Variants in HMG20B observed in about 807,000 individuals in gnomAD.
HMG20B encodes high mobility group 20B.
In HMG20B, 24 loss-of-function variants were observed where a neutral mutation model predicts 41.6. The observed-to-expected ratio is 0.58, with a 90% CI of 0.42 to 0.81. The LOEUF is 0.81. Ranked by LOEUF, HMG20B falls within the 30% of genes least tolerant of loss-of-function variation. HMG20B has a pLI of 0.00. For synonymous variants in HMG20B, 251 were observed against 186.6 expected (o/e 1.34, Z -2.81); for missense variants, 461 against 444.0 (o/e 1.04, Z -0.34).
chr19:3,574,651 C>G, intron 4 of HMG20B, 65 bp downstream of exon 4: 1 of 1,397,562 alleles, frequency 7.2e-7, no homozygotes, highest in Non-Finnish European at 9.6e-7. Flanking sequence ...GTAGCCCCGA[C>G]CCCCAAAGGA....
chr19:3,576,797 G>C (rs1366611541), intron 7 of HMG20B, 95 bp from the exon 8 acceptor site: 5 of 1,412,594 alleles, frequency 3.5e-6, no homozygotes, highest in Non-Finnish European at 4.9e-6. Flanking sequence ...AGAGGGCGCA[G>C]TGAGGGAAAC....
At chr19:3,574,881 G>A (rs2032125758) in intron 4 of HMG20B, among the ~76,000 whole-genome samples, 1 of 152,118 alleles carries the variant, frequency 6.6e-6, no homozygotes, top group Admixed American at 6.6e-5. Flanking sequence ...ACCATGCCCT[G>A]CTAATTTTTG....
At chr19:3,574,066 G>T (rs1424000658) in intron 3 of HMG20B, 3 of 646,730 alleles carry the variant, frequency 4.6e-6, no homozygotes, top group Non-Finnish European at 8.3e-6. Flanking sequence ...CCCTCCCCTT[G>T]GTCCTGTGGG....
chr19:3,573,181 CA>C, intron 1 of HMG20B, 110 bp from the exon 2 acceptor site: 1 of 854,118 alleles, frequency 1.2e-6, no homozygotes, highest in South Asian at 1.9e-5. Flanking sequence ...CCGGCCCCCC[CA>C]GCGCTCCGGG....
At position 3,576,851 on chromosome 19, in the gene HMG20B, A is replaced by G. The variant is rs375151941; in HGVS notation, c.593-41A>G. 3.2e-4 allele frequency: 493 copies of G among 1,545,076 alleles called. 2 individuals carry two copies. In the African/African-American group the frequency reaches 5.0e-3, roughly 16 times the overall value. On this transcript the variant is annotated intron_variant, in intron 7 of 9. Transcript: ENST00000333651. The stretch of plus-strand genomic sequence containing the variant: ...CGGGCAAAAGCCCGGAGGTAGGGGA[A>G]AGGGGAGGCGCAGGCTTTGACCCCG...
At position 3,573,809 on chromosome 19, in the gene HMG20B, C is replaced by T. The variant is rs1166286861; in HGVS notation, c.147+9C>T. On this transcript the variant is annotated intron_variant, in intron 3 of 9. Transcript: ENST00000333651. ...GGTCCCACGAGGAGGAGGTGAGAGT[C>T]CCTGCGCTGAGCTGGGGGAGGCCCC... The T allele has an allele frequency of 6.3e-7, 1 of 1,594,038 alleles. No homozygotes were observed. Among genetic ancestry groups the T allele is most frequent in the Non-Finnish European group, 8.5e-7 (1 of 1,172,590 alleles).
chr19:3,578,446 A>G lies in HMG20B; in HGVS notation c.942-63A>G, dbSNP rs545791142. The G allele has an allele frequency of 2.9e-4, 425 of 1,463,094 alleles. 2 individuals are homozygous for G. The African/African-American group carries it at 5.5e-3, about 19-fold the overall frequency. The allele number at this position is 1,463,094 out of a possible 1,614,324, so 90.6% of individuals were successfully genotyped here. A position where few individuals can be genotyped will look rare whatever the true frequency, so the allele number is the denominator to read the frequency against. ...TGGGCCATGGTCTCTGGGGTTCCCC[A>G]GGGCCGGGGTGGGGGCCAGAGATGA... On this transcript the variant is annotated intron_variant, in intron 9 of 9. Coordinates refer to ENST00000333651, the MANE Select transcript of HMG20B (RefSeq NM_006339.3).
At chr19:3,573,905 C>T (rs972244690) in intron 3 of HMG20B, 105 bp downstream of exon 3, 3 of 1,091,696 alleles carry the variant, frequency 2.7e-6, no homozygotes, top group East Asian at 2.6e-5. Context: ...GCCCACAGCC[C>T]ATTTTCCTCT....
chr19:3,576,087 GATAC>G (rs1406066956), intron 5 of HMG20B, 170 bp from the exon 6 acceptor site: 6 of 631,012 alleles, frequency 9.5e-6, no homozygotes, highest in Admixed American at 2.6e-5. Flanking sequence ...GCGGGGGAAA[GATAC>G]ATAGCCAGAC....
rs1186247236 is a variant in HMG20B, at chr19:3,578,525, G to A, written c.*4G>A. The A allele has an allele frequency of 3.2e-6, 5 of 1,571,700 alleles. No homozygotes were observed. Among genetic ancestry groups the A allele is most frequent in the South Asian group, 2.3e-5 (2 of 85,538 alleles). ...TCGTTTCAGCGAGCACCTGTGAGGA[G>A]TGGGCGGGCCCACGATGCAGAGGAG... On this transcript the variant is annotated 3_prime_UTR_variant, in exon 10 of 10. Transcript: ENST00000333651.
intron 3 of HMG20B, chr19:3,574,139 G>C (rs914336454): frequency 1.6e-6 from 1 of 617,700 alleles, no homozygotes; most frequent in Non-Finnish European, 2.9e-6. Context: ...CGAAGTCAAC[G>C]CCAACCCTGT....
chr19:3,576,650 G>T (rs770216452), intron 7 of HMG20B, 25 bp downstream of exon 7: 2 of 1,596,788 alleles, frequency 1.3e-6, no homozygotes, highest in South Asian at 1.1e-5. Context: ...CGCTCCTGAT[G>T]CGAACTCCGT....
rs2032231736 is a variant in HMG20B at position 3,578,791 on chromosome 19, G to GCTACACTGGCTCTC, written c.*272_*285dup. 1 of 728,596 alleles carries GCTACACTGGCTCTC rather than the reference G, an allele frequency of 1.4e-6. No individual in the cohort carries two copies. The highest frequency in any genetic ancestry group is 1.8e-5 in the Admixed American group (1 of 55,496). The allele number at this position is 728,596 out of a possible 1,614,324, so 45.1% of individuals were successfully genotyped here. On this transcript the variant is annotated 3_prime_UTR_variant, in exon 10 of 10. Transcript: ENST00000333651. The stretch of plus-strand genomic sequence containing the variant: ...GCCCCTCCTCGGAGGACAGCCACGC[G>GCTACACTGGCTCTC]CTACACTGGCTCTCCGGGCCACCCC...
chr19:3,577,993 C>T lies in HMG20B; in HGVS notation c.821C>T (p.Thr274Met). 4.4e-6 allele frequency: 7 copies of T among 1,601,738 alleles called. No individual in the cohort carries two copies. Among genetic ancestry groups the T allele is most frequent in the Non-Finnish European group, 6.0e-6 (7 of 1,176,308 alleles). ...GCCTGTCCCCCAGGCACGGGCGAAA[C>T]GCCCACGCTGGGCACTCTGGACTTC... ...ASLPVPGTGE[T>M]PTLGTLDFYM... Residue 274 changes from threonine (T) to methionine (M), a missense_variant, in exon 9 of 10, where the codon ACG becomes ATG. Physicochemically the swap from Thr to Met is moderately conservative, Grantham distance 81. Transcript: ENST00000333651.
chr19:3,575,748 C>T, intron 5 of HMG20B, 88 bp downstream of exon 5: 1 of 1,159,636 alleles, frequency 8.6e-7, no homozygotes, highest in Non-Finnish European at 1.2e-6. Flanking sequence ...GTCAGACCAG[C>T]CTGGCCAACA....
At position 3,578,672 on chromosome 19, in the gene HMG20B, C is replaced by T. The variant is rs1479466569; in HGVS notation, c.*151C>T. The T allele has an allele frequency of 2.0e-6, 2 of 1,022,148 alleles. No homozygotes were observed. The highest frequency in any genetic ancestry group is 2.6e-5 in the East Asian group (1 of 38,724). 63.3% of individuals were successfully genotyped at this position (1,022,148 alleles called of 1,614,324 possible). The stretch of plus-strand genomic sequence containing the variant: ...CAGCCCCCCTAAAATTAAATTTCTG[C>T]AGCATCCCTTTAGCTTTCAATCTCC... On this transcript the variant is annotated 3_prime_UTR_variant, in exon 10 of 10. Transcript: ENST00000333651.
In HMG20B at chr19:3,577,009, A is replaced by G. The variant is rs1432715361; in HGVS notation, c.710A>G (p.Glu237Gly). 6.4e-7 allele frequency: 1 copy of G among 1,557,984 alleles called. No homozygotes were observed. The highest frequency in any genetic ancestry group is 1.2e-5 in the South Asian group (1 of 84,560). ...AGCGCGCGCGAGCGTCTGGAGCAGG[A>G]GCTGGCGCTGGAGGAGCGGAGGACG... ...MSSARERLEQ[E>G]LALEERRTLA... The change falls in exon 8 of 10, where the codon GAG (glutamate) becomes GGG (glycine). Residue 237 changes from glutamate (E) to glycine (G), a missense_variant. This residue lies in a region of HMG20B where 308 missense variants were observed against 283.4 expected (regional missense o/e 1.09). Transcript: ENST00000333651.
intron 2 of HMG20B, 150 bp from the exon 3 acceptor site, chr19:3,573,542 C>A (rs1252286043): frequency 2.2e-6 from 2 of 892,888 alleles, no homozygotes; most frequent in African/African-American, 1.7e-5. Flanking sequence ...GTCCCACCTT[C>A]CCCGGATACT....
intron 8 of HMG20B, 24 bp downstream of exon 8, chr19:3,577,131 G>A: frequency 6.9e-7 from 1 of 1,454,932 alleles, no homozygotes; most frequent in Non-Finnish European, 9.1e-7. Context: ...CCATCTCCCA[G>A]TCCCGCCCCG....
Sources: gnomAD v4.1 joint callset for allele counts (sites outside exome capture counted in the v4.1 genomes callset) on GRCh38, gnomAD v4.1.1 for gene constraint, gnomAD v4.1.1 regional missense constraint, MANE v1.5 for transcripts, NCBI Gene and HGNC (gene_info 2026-07-23, HGNC 2026-07-21) for gene names.